The following TENM4 variants were observed in gnomAD, a reference collection of about 807,000 sequenced individuals.
TENM4 encodes the protein teneurin transmembrane protein 4, also known as teneurin-4.
TENM4 carries 82 observed loss-of-function variants against 243.3 expected under a neutral mutation model. The observed-to-expected ratio is 0.34, with a 90% CI of 0.28 to 0.40. The LOEUF (loss-of-function observed/expected upper bound fraction) is 0.40. TENM4 is among the 10% of genes least tolerant of loss of function. The probability of loss-of-function intolerance (pLI) is 1.00; values close to 1 mark genes in which losing one functional copy is unlikely to be tolerated. For synonymous variants in TENM4, 1,412 were observed against 1,456.3 expected, an observed-to-expected ratio of 0.97 and a Z score of 0.69; for missense variants, 3,138 against 3,673.3, an observed-to-expected ratio of 0.85 and a Z score of 3.77.
chr11:79,225,746 G>A (rs1318479605), intron 2 of TENM4, among the ~76,000 whole-genome samples: 1 of 152,160 alleles, frequency 6.6e-6, no homozygotes, highest in Non-Finnish European at 1.5e-5. Context: ...CCCTCCCAAA[G>A]TGCTAGGATT....
At chr11:78,977,137 C>T (rs1412102823) in intron 6 of TENM4, among the ~76,000 whole-genome samples, 2 of 152,208 alleles carry the variant, frequency 1.3e-5, no homozygotes, top group African/African-American at 2.4e-5. Context: ...CTGGCATTCC[C>T]TGGCTTGCAG....
intron 12 of TENM4, among the ~76,000 whole-genome samples, chr11:78,829,352 A>C (rs1187797305): frequency 2.0e-5 from 3 of 152,026 alleles, no homozygotes; most frequent in African/African-American, 7.2e-5. Context: ...TCTGACTCTC[A>C]CTAGTTGTGT....
At chr11:79,376,487 G>C (rs115360659) in intron 1 of TENM4, among the ~76,000 whole-genome samples, 1,707 of 152,280 alleles carry the variant, frequency 0.011, 26 homozygotes, top group African/African-American at 0.039. Flanking sequence ...TTTAAGCCTG[G>C]CCTGCTACTG....
chr11:78,708,473 C>T lies in TENM4; in HGVS notation c.4097G>A (p.Gly1366Asp). The T allele has an allele frequency of 6.2e-7, 1 of 1,613,980 alleles. No homozygotes were observed. Among genetic ancestry groups the T allele is most frequent in the Non-Finnish European group, 8.5e-7 (1 of 1,179,884 alleles). The change falls in exon 27 of 34, where the codon GGC becomes GAC. Residue 1366 changes from glycine (G) to aspartate (D), a missense_variant. By Grantham distance (94) the Gly-to-Asp change is moderately conservative (BLOSUM62 -1). Transcript: ENST00000278550. ...DKFGLIYFVDGTMIRRIDQNG... is the reference protein window; with the variant it reads ...DKFGLIYFVDDTMIRRIDQNG... ...CTGATCGATGCGTCTGATCATGGTG[C>T]CATCCACGAAGTAGATCAGCCCAAA... is the stretch of plus-strand genomic sequence containing the variant.
At chr11:78,718,168 C>T (rs1005042267) in intron 25 of TENM4, among the ~76,000 whole-genome samples, 1 of 152,140 alleles carries the variant, frequency 6.6e-6, no homozygotes, top group Non-Finnish European at 1.5e-5. Flanking sequence ...CTGATGGGGA[C>T]ACTGAAGCCC....
chr11:78,908,871 C>A (rs1387310068), intron 6 of TENM4, among the ~76,000 whole-genome samples: 1 of 152,210 alleles, frequency 6.6e-6, no homozygotes, highest in South Asian at 2.1e-4. Flanking sequence ...TAAACAGCCC[C>A]TTGTTGTATG....
At chr11:79,353,600 G>C (rs150098179) in intron 1 of TENM4, among the ~76,000 whole-genome samples, 2 of 152,086 alleles carry the variant, frequency 1.3e-5, no homozygotes, top group Non-Finnish European at 2.9e-5. Flanking sequence ...CTGAAGTGAC[G>C]CTTGGTACCT....
chr11:79,047,312 G>C (rs1030143768), intron 6 of TENM4, among the ~76,000 whole-genome samples: 1 of 152,176 alleles, frequency 6.6e-6, no homozygotes, highest in Non-Finnish European at 1.5e-5. Flanking sequence ...TTTCACCCCA[G>C]CTTTTGAGCT....
chr11:79,110,995 C>T (rs976346196), intron 4 of TENM4, among the ~76,000 whole-genome samples: 2 of 152,170 alleles, frequency 1.3e-5, no homozygotes, highest in Non-Finnish European at 2.9e-5. Flanking sequence ...ACCCAAATCT[C>T]ATCTTGAATT....
chr11:78,966,393 T>C (rs1477605880), intron 6 of TENM4, among the ~76,000 whole-genome samples: 1 of 152,218 alleles, frequency 6.6e-6, no homozygotes, highest in African/African-American at 2.4e-5. Flanking sequence ...ATGTTTTCTT[T>C]TTTATAAAAC....
chr11:78,804,782 TG>T (rs1857354434), intron 15 of TENM4, among the ~76,000 whole-genome samples: 1 of 152,172 alleles, frequency 6.6e-6, no homozygotes, highest in South Asian at 2.1e-4. Flanking sequence ...GCTACCCTCA[TG>T]GAGCTTAGTG....
chr11:78,949,255 C>T (rs1470670198), intron 6 of TENM4, among the ~76,000 whole-genome samples: 4 of 152,218 alleles, frequency 2.6e-5, no homozygotes, highest in African/African-American at 9.6e-5. Flanking sequence ...GAACCCTCAG[C>T]AGGACTGGAT....
chr11:78,889,494 C>T (rs1855614970), intron 9 of TENM4, among the ~76,000 whole-genome samples: 1 of 152,230 alleles, frequency 6.6e-6, no homozygotes, highest in African/African-American at 2.4e-5. Context: ...AAAGGCTAGT[C>T]TTACTGAGCA....
Position 79,064,985 on chromosome 11 carries a change from C to G in TENM4, c.246G>C (p.Glu82Asp). The G allele has an allele frequency of 6.8e-7, 1 of 1,463,998 alleles. No homozygotes were observed. Among genetic ancestry groups the G allele is most frequent in the Non-Finnish European group, 9.1e-7 (1 of 1,102,956 alleles). 90.7% of individuals were successfully genotyped at this position (1,463,998 alleles called of 1,614,324 possible). A position where few individuals can be genotyped will look rare whatever the true frequency, so the allele number is the denominator to read the frequency against. ...GGGGCGTTACTTCTTCCAGCCCCAG[C>G]TCCCGCAGGGTGAAGTTGGCACCTG... ...CRTGANFTLRELGLEEVTPPH... is the reference protein window; with the variant it reads ...CRTGANFTLRDLGLEEVTPPH... Residue 82 changes from glutamate to aspartate, a missense_variant, in exon 6 of 34, where the codon GAG (glutamate) becomes GAC (aspartate). Glu to Asp is a conservative substitution (Grantham distance 45, BLOSUM62 2). This residue lies in a region of TENM4 where 671 missense variants were observed against 614.1 expected (regional missense o/e 1.09). Transcript: ENST00000278550.
At chr11:79,083,671 G>A (rs1281286110) in intron 4 of TENM4, among the ~76,000 whole-genome samples, 1 of 152,126 alleles carries the variant, frequency 6.6e-6, no homozygotes, top group African/African-American at 2.4e-5. Flanking sequence ...AGCCTTCCTG[G>A]CGGCCCTAAC....
intron 7 of TENM4, among the ~76,000 whole-genome samples, chr11:78,893,169 A>G (rs1335535193): frequency 6.6e-6 from 1 of 152,206 alleles, no homozygotes; most frequent in Non-Finnish European, 1.5e-5. Flanking sequence ...AGTCTTCCCC[A>G]GTGCCTGGGA....
At chr11:79,097,342 A>G (rs1037395445) in intron 4 of TENM4, 1 of 152,108 alleles carries the variant, frequency 6.6e-6, no homozygotes, top group African/African-American at 2.4e-5. Context: ...GTTCTTTTTC[A>G]TCGCCAGAGT....
intron 6 of TENM4, among the ~76,000 whole-genome samples, chr11:79,023,711 A>C (rs1858997948): frequency 6.6e-6 from 1 of 152,204 alleles, no homozygotes; most frequent in African/African-American, 2.4e-5. Flanking sequence ...TTGGTTGATA[A>C]AGAGAAGCGT....
intron 9 of TENM4, among the ~76,000 whole-genome samples, chr11:78,881,171 G>T (rs1855422977): frequency 1.3e-5 from 2 of 152,182 alleles, no homozygotes; most frequent in South Asian, 4.1e-4. Flanking sequence ...TCCTAGTTAG[G>T]TCCCTAAGAG....
Sources: allele counts gnomAD v4.1 joint callset (sites outside exome capture counted in the v4.1 genomes callset), GRCh38; gene constraint gnomAD v4.1.1; regional missense constraint gnomAD v4.1.1; transcripts MANE v1.5; gene names NCBI Gene and HGNC (gene_info 2026-07-23, HGNC 2026-07-21).